The following PGAP2 variants were observed in gnomAD, a reference collection of about 807,000 sequenced individuals.
PGAP2 encodes the protein post-GPI attachment to proteins 2.
Under a neutral mutation model 33.2 loss-of-function variants are expected in PGAP2, and 21 were observed. The ratio of observed to expected loss-of-function variants is 0.63; its 90% CI spans 0.45 to 0.91. PGAP2 has a LOEUF of 0.91. Ranked by LOEUF, PGAP2 falls within the 40% of genes least tolerant of loss-of-function variation. The pLI, the probability that PGAP2 is intolerant of heterozygous loss-of-function variation, is 0.00. For synonymous variants in PGAP2, 161 were observed against 172.9 expected (o/e 0.93, Z 0.54); for missense variants, 345 against 424.0 (o/e 0.81, Z 1.64).
At chr11:3,808,226 G>T, upstream of PGAP2, 2 of 1,530,958 alleles carry the variant, frequency 1.3e-6, no homozygotes, top group Non-Finnish European at 1.8e-6. Flanking sequence ...GAGGTGCGAG[G>T]CAGGAGAGAC....
At chr11:3,814,032 T>C (rs952931099) in intron 2 of PGAP2, among the ~76,000 whole-genome samples, 6 of 152,122 alleles carry the variant, frequency 3.9e-5, no homozygotes, top group African/African-American at 1.2e-4. Flanking sequence ...GAGCCTACGG[T>C]GTTGGTTCCA....
intron 2 of PGAP2, among the ~76,000 whole-genome samples, chr11:3,812,423 C>T (rs2134402314): frequency 6.6e-6 from 1 of 152,252 alleles, no homozygotes; most frequent in Non-Finnish European, 1.5e-5. Context: ...GTGAGACCCC[C>T]ATTTCTAAAA....
chr11:3,797,818 C>G (rs751660056), upstream of PGAP2: 2 of 1,548,988 alleles, frequency 1.3e-6, no homozygotes, highest in Non-Finnish European at 1.7e-6. Context: ...TGACGTCACA[C>G]AGGGCCTCTC....
intron 1 of PGAP2, among the ~76,000 whole-genome samples, chr11:3,798,406 T>A (rs2082890699): frequency 6.6e-6 from 1 of 152,202 alleles, no homozygotes; most frequent in African/African-American, 2.4e-5. Flanking sequence ...CTCGGCTCAC[T>A]GCAACCTCTG....
chr11:3,797,962 G>A, exon 1 of PGAP2: 1 of 1,547,600 alleles, frequency 6.5e-7, no homozygotes. Flanking sequence ...CCAATCAGAG[G>A]GACGGCCCCA....
upstream of PGAP2, chr11:3,797,806 C>A (rs959099545): frequency 6.5e-7 from 1 of 1,546,084 alleles, no homozygotes; most frequent in Non-Finnish European, 8.7e-7. Flanking sequence ...GGGAGCGTGT[C>A]GTGACGTCAC....
rs558862497 is a variant in PGAP2, at chr11:3,808,592, C to G, written c.-70C>G. ...CTCTGACCAGCCCGCAGAGCCAGCC[C>G]CCGACCCCGGGCCACCTGGGCCCCC... is the stretch of plus-strand genomic sequence containing the variant. On this transcript the variant is annotated 5_prime_UTR_variant, in exon 1 of 7. Coordinates refer to ENST00000278243, the MANE Select transcript of PGAP2 (RefSeq NM_014489.4). The G allele has an allele frequency of 1.9e-5, 25 of 1,347,770 alleles. No homozygotes were observed. The East Asian group carries it at 5.7e-4, about 31-fold the overall frequency. 83.5% of individuals were successfully genotyped at this position (1,347,770 alleles called of 1,614,324 possible).
At chr11:3,820,990 C>T (rs1219430412) in intron 3 of PGAP2, among the ~76,000 whole-genome samples, 1 of 152,214 alleles carries the variant, frequency 6.6e-6, no homozygotes, top group Non-Finnish European at 1.5e-5. Context: ...TGTGCAGTTC[C>T]TGAGCCTCTA....
rs149055037 is a variant in PGAP2, at chr11:3,824,501, C to T, written c.708+125C>T. 843 of 1,446,140 alleles carry T rather than the reference C, an allele frequency of 5.8e-4. 6 individuals carry two copies. The African/African-American group carries it at 0.011, about 18-fold the overall frequency. 89.6% of individuals were successfully genotyped at this position (1,446,140 alleles called of 1,614,324 possible). A position where few individuals can be genotyped will look rare whatever the true frequency, so the allele number is the denominator to read the frequency against. ...TAATGGGAACCCTGGCAGAGGGGTG[C>T]TGGGGTTGGGGCTGGGGCTTGGGAA... is the stretch of plus-strand genomic sequence containing the variant. On this transcript the variant is annotated intron_variant, in intron 5 of 6. Coordinates refer to ENST00000278243, the MANE Select transcript of PGAP2 (RefSeq NM_014489.4).
At chr11:3,807,959 C>A (rs2084720952), upstream of PGAP2, 2 of 965,280 alleles carry the variant, frequency 2.1e-6, no homozygotes, top group African/African-American at 1.7e-5. Context: ...TGTGGGGAGA[C>A]CCAAGGCTGG....
upstream of PGAP2, chr11:3,808,243 A>T: frequency 6.5e-7 from 1 of 1,547,494 alleles, no homozygotes; most frequent in Middle Eastern, 1.7e-4. Flanking sequence ...AGACGGGCGG[A>T]TGAGAAAGAA....
At chr11:3,818,872 C>T (rs2087795164) in intron 3 of PGAP2, among the ~76,000 whole-genome samples, 1 of 152,180 alleles carries the variant, frequency 6.6e-6, no homozygotes, top group Non-Finnish European at 1.5e-5. Flanking sequence ...GCACTTCACG[C>T]AGCTTGGACA....
upstream of PGAP2, chr11:3,808,341 A>T: frequency 1.9e-6 from 3 of 1,551,294 alleles, no homozygotes; most frequent in Non-Finnish European, 2.6e-6. Context: ...GGCTTATCCA[A>T]CATGCTCAAA....
Position 3,812,057 on chromosome 11 carries a change from G to A in PGAP2, c.165+633G>A, listed in dbSNP as rs1023314290. Among the ~76,000 whole-genome samples, 3 of 152,114 alleles carry A rather than the reference G, an allele frequency of 2.0e-5. No homozygotes were observed. In the East Asian group the frequency reaches 5.8e-4, roughly 29 times the overall value. On this transcript the variant is annotated intron_variant, in intron 2 of 6. Transcript: ENST00000278243. Reference sequence around the variant, plus strand: ...TACGTGTGTATGTGTCCTGGGGTGAGTCCCGTGGCCTCTAAGATTCCATAG... The same window carrying A: ...TACGTGTGTATGTGTCCTGGGGTGAATCCCGTGGCCTCTAAGATTCCATAG...
At chr11:3,809,113 C>T (rs2085032796) in intron 1 of PGAP2, among the ~76,000 whole-genome samples, 1 of 152,172 alleles carries the variant, frequency 6.6e-6, no homozygotes, top group Non-Finnish European at 1.5e-5. Flanking sequence ...CAATGTATAT[C>T]AAGTACAGAG....
At chr11:3,801,456 C>T (rs1271045494) in intron 1 of PGAP2, among the ~76,000 whole-genome samples, 1 of 149,324 alleles carries the variant, frequency 6.7e-6, no homozygotes, top group Admixed American at 6.7e-5. Flanking sequence ...TCCTGGCTAA[C>T]ATGGTGAAAC....
rs577608329 is a variant in PGAP2 at position 3,818,253 on chromosome 11, C to A, written c.348+718C>A. Among the ~76,000 whole-genome samples, 7 of 149,346 alleles carry A rather than the reference C, an allele frequency of 4.7e-5. No homozygotes were observed. In the East Asian group the frequency reaches 1.4e-3, roughly 29 times the overall value. On this transcript the variant is annotated intron_variant, in intron 3 of 6. Coordinates refer to ENST00000278243, the MANE Select transcript of PGAP2 (RefSeq NM_014489.4). ...TGGTGATGTGTGCCTGTAATCCCAG[C>A]TACTCAGGAGGCTTGAGGCAAGAGA...
intron 3 of PGAP2, among the ~76,000 whole-genome samples, chr11:3,819,842 G>GTGTGTATA (rs776103050): frequency 4.9e-4 from 74 of 152,094 alleles, no homozygotes; most frequent in Non-Finnish European, 8.5e-4. Flanking sequence ...GTATGTGTCT[G>GTGTGTATA]TGTGTATATG....
At chr11:3,823,016 T>C (rs964547630) in intron 3 of PGAP2, 47 of 994,230 alleles carry the variant, frequency 4.7e-5, no homozygotes, top group Non-Finnish European at 6.0e-5. Context: ...CACTTTCTTT[T>C]TTCTTTTCTT....
Sources: allele counts gnomAD v4.1 joint callset (sites outside exome capture counted in the v4.1 genomes callset), GRCh38; gene constraint gnomAD v4.1.1; transcripts MANE v1.5; gene names NCBI Gene and HGNC (gene_info 2026-07-23, HGNC 2026-07-21).